NFKB1: variants seen among roughly 807,000 people sequenced by gnomAD.
NFKB1 encodes nuclear factor kappa B subunit 1.
Under a neutral mutation model 105.1 loss-of-function variants are expected in NFKB1, and 9 were observed. The observed-to-expected ratio is 0.09, with a 90% CI of 0.05 to 0.15. The LOEUF is 0.15. Ranked by LOEUF, NFKB1 falls within the 10% of genes least tolerant of loss-of-function variation. The pLI is 1.00. For missense variants in NFKB1, 830 were observed against 1,203.7 expected, an observed-to-expected ratio of 0.69 and a Z score of 4.59; for synonymous variants, 440 against 442.2, an observed-to-expected ratio of 1.00 and a Z score of 0.06.
chr4:102,588,504 G>T (rs536836784), intron 11 of NFKB1, among the ~76,000 whole-genome samples: 1 of 152,002 alleles, frequency 6.6e-6, no homozygotes, highest in Admixed American at 6.6e-5. Flanking sequence ...GAAAGATGGA[G>T]ATTAGGGATA....
chr4:102,544,042 G>C (rs960655661), intron 5 of NFKB1, among the ~76,000 whole-genome samples: 64 of 152,152 alleles, frequency 4.2e-4, no homozygotes, highest in African/African-American at 1.3e-3. Flanking sequence ...TGTAACCTGG[G>C]GTCTATGGAT....
At chr4:102,511,900 T>A (rs867492627) in intron 1 of NFKB1, among the ~76,000 whole-genome samples, 27 of 152,236 alleles carry the variant, frequency 1.8e-4, no homozygotes, top group Admixed American at 1.6e-3. Flanking sequence ...TTCCCTCCAC[T>A]GTCATTTAAA....
intron 17 of NFKB1, 100 bp downstream of exon 17, chr4:102,606,797 G>A: frequency 7.8e-7 from 1 of 1,280,408 alleles, no homozygotes; most frequent in Non-Finnish European, 1.1e-6. Context: ...ACCCAAAAGT[G>A]CTTTCCTTAG....
At chr4:102,527,667 A>G (rs1001035781) in intron 2 of NFKB1, among the ~76,000 whole-genome samples, 1 of 152,186 alleles carries the variant, frequency 6.6e-6, no homozygotes, top group Non-Finnish European at 1.5e-5. Flanking sequence ...GGATAAATCT[A>G]GGAACATTTT....
rs1729025126 is a variant in NFKB1 at position 102,617,269 on chromosome 4, T to C, written c.*675T>C. ...ATAAATGCTATTTTTTATTTTACTT[T>C]TATAATAAAAGGAAAAGCAAATTGA... On this transcript the variant is annotated 3_prime_UTR_variant, in exon 24 of 24. Transcript: ENST00000226574. The C allele has an allele frequency of 6.5e-6, 1 of 152,750 alleles. No homozygotes were observed. Among genetic ancestry groups the C allele is most frequent in the African/African-American group, 2.4e-5 (1 of 41,448 alleles). 9.5% of individuals were successfully genotyped at this position (152,750 alleles called of 1,614,324 possible). A position where few individuals can be genotyped will look rare whatever the true frequency, so the allele number is the denominator to read the frequency against.
intron 1 of NFKB1, among the ~76,000 whole-genome samples, chr4:102,517,400 C>A (rs552760673): frequency 6.6e-6 from 1 of 152,208 alleles, no homozygotes; most frequent in Admixed American, 6.5e-5. Context: ...TAACTAAAAC[C>A]AGAATTTGAC....
chr4:102,584,593 G>A, intron 10 of NFKB1, 89 bp from the exon 11 acceptor site: 6 of 1,317,266 alleles, frequency 4.6e-6, no homozygotes, highest in African/African-American at 1.5e-5. Context: ...ATAAAGAAAA[G>A]CATAAGGAAT....
At chr4:102,593,304 G>T in intron 11 of NFKB1, 121 bp from the exon 12 acceptor site, 1 of 920,502 alleles carries the variant, frequency 1.1e-6, no homozygotes, top group Non-Finnish European at 1.7e-6. Flanking sequence ...CTTCCTCTTT[G>T]AGTGCTTTCT....
chr4:102,608,083 G>C (rs897074643), intron 19 of NFKB1, among the ~76,000 whole-genome samples: 1 of 152,138 alleles, frequency 6.6e-6, no homozygotes, highest in African/African-American at 2.4e-5. Flanking sequence ...ATTAGTCTCA[G>C]ATCATATCAG....
chr4:102,528,001 T>G (rs189115755), intron 2 of NFKB1, among the ~76,000 whole-genome samples: 1 of 152,282 alleles, frequency 6.6e-6, no homozygotes, highest in African/African-American at 2.4e-5. Flanking sequence ...TCTTGAAGTT[T>G]TTTTCTTTCT....
chr4:102,571,745 T>C (rs563881931), intron 6 of NFKB1, among the ~76,000 whole-genome samples: 1 of 152,332 alleles, frequency 6.6e-6, no homozygotes, highest in East Asian at 1.9e-4. Flanking sequence ...GCTCTCATTA[T>C]CACTGGCCAT....
intron 2 of NFKB1, 149 bp from the exon 3 acceptor site, chr4:102,529,687 T>A: frequency 1.6e-6 from 1 of 634,670 alleles, no homozygotes; most frequent in Non-Finnish European, 2.8e-6. Context: ...CATGAAGATC[T>A]TTTAAAACCC....
chr4:102,524,479 T>C (rs1413867424), intron 1 of NFKB1, among the ~76,000 whole-genome samples: 1 of 152,172 alleles, frequency 6.6e-6, no homozygotes, highest in Admixed American at 6.6e-5. Flanking sequence ...CCCAACCTTT[T>C]TGGCATCAGG....
At chr4:102,611,909 C>T (rs968665086) in intron 20 of NFKB1, 135 bp from the exon 21 acceptor site, 2 of 668,864 alleles carry the variant, frequency 3.0e-6, no homozygotes, top group African/African-American at 1.8e-5. Flanking sequence ...GTCCTGATTC[C>T]TCTTGCCATT....
intron 8 of NFKB1, among the ~76,000 whole-genome samples, chr4:102,579,763 A>G (rs539938344): frequency 2.6e-5 from 4 of 151,632 alleles, no homozygotes; most frequent in South Asian, 2.1e-4. Flanking sequence ...TATGCATAGG[A>G]TTGATTAGAC....
intron 5 of NFKB1, among the ~76,000 whole-genome samples, chr4:102,542,754 A>G (rs1742091018): frequency 6.6e-6 from 1 of 152,244 alleles, no homozygotes; most frequent in South Asian, 2.1e-4. Context: ...GGGCAAACAT[A>G]GGTTCAAACT....
chr4:102,567,620 G>C lies in NFKB1; in HGVS notation c.407+485G>C, dbSNP rs4648013. Among the ~76,000 whole-genome samples the C allele has an allele frequency of 2.1e-3, 317 of 152,288 alleles. 8 individuals carry two copies. The East Asian group carries it at 0.044, about 21-fold the overall frequency. On this transcript the variant is annotated intron_variant, in intron 6 of 23. Coordinates refer to ENST00000226574, the MANE Select transcript of NFKB1 (RefSeq NM_003998.4). Reference sequence around the variant, plus strand: ...ATAAATATCATTTCAGCTCTCTGCTGCTTAGAAAGTAATGCACAGATAAGA... The same window carrying C: ...ATAAATATCATTTCAGCTCTCTGCTCCTTAGAAAGTAATGCACAGATAAGA...
At chr4:102,588,091 C>T (rs1725862242) in intron 11 of NFKB1, among the ~76,000 whole-genome samples, 1 of 151,976 alleles carries the variant, frequency 6.6e-6, no homozygotes. Flanking sequence ...GTCTTCCTAC[C>T]ACCCCGAGTA....
chr4:102,590,883 C>G (rs1460503324), intron 11 of NFKB1, among the ~76,000 whole-genome samples: 1 of 152,206 alleles, frequency 6.6e-6, no homozygotes, highest in Non-Finnish European at 1.5e-5. Flanking sequence ...AAAGCTAGGC[C>G]TCTTGTGCCA....
Sources: gnomAD v4.1 joint callset for allele counts (sites outside exome capture counted in the v4.1 genomes callset) on GRCh38, gnomAD v4.1.1 for gene constraint, MANE v1.5 for transcripts, NCBI Gene and HGNC (gene_info 2026-07-23, HGNC 2026-07-21) for gene names.